Variants in MYO3B observed in about 807,000 individuals in gnomAD.
MYO3B encodes myosin IIIB.
MYO3B carries 156 observed loss-of-function variants against 174.6 expected under a neutral mutation model. The ratio of observed to expected loss-of-function variants is 0.89; its 90% CI spans 0.78 to 1.02. The LOEUF (loss-of-function observed/expected upper bound fraction) is 1.02. Among genes scored for constraint, MYO3B ranks in the 50% least tolerant of loss-of-function variants. The pLI is 0.00. For missense variants in MYO3B, 1,632 were observed against 1,639.4 expected, an observed-to-expected ratio of 1.00 and a Z score of 0.08; for synonymous variants, 563 against 569.1, an observed-to-expected ratio of 0.99 and a Z score of 0.15.
At chr2:170,513,904 A>G (rs1394782420) in intron 28 of MYO3B, among the ~76,000 whole-genome samples, 1 of 152,232 alleles carries the variant, frequency 6.6e-6, no homozygotes, top group Non-Finnish European at 1.5e-5. Flanking sequence ...TCACATCTGA[A>G]CAAATAATAA....
chr2:170,384,554 C>T (rs574545608), intron 12 of MYO3B, among the ~76,000 whole-genome samples: 8 of 152,260 alleles, frequency 5.3e-5, no homozygotes, highest in Admixed American at 4.6e-4. Context: ...TAATAGATGA[C>T]ATTATAACAA....
At chr2:170,378,115 A>G (rs1439871687) in intron 9 of MYO3B, among the ~76,000 whole-genome samples, 1 of 152,232 alleles carries the variant, frequency 6.6e-6, no homozygotes, top group Non-Finnish European at 1.5e-5. Flanking sequence ...ATTAATTTCA[A>G]CTAAAAATAG....
chr2:170,332,881 C>G (rs138613686), intron 7 of MYO3B, among the ~76,000 whole-genome samples: 44 of 152,252 alleles, frequency 2.9e-4, no homozygotes, highest in African/African-American at 1.0e-3. Context: ...ATTCACCATC[C>G]ATTTCATATT....
At chr2:170,650,072 A>T (rs1698889694) in intron 32 of MYO3B, 1 of 114,138 alleles carries the variant, frequency 8.8e-6, no homozygotes, top group African/African-American at 3.6e-5. Context: ...TCACTCTGTC[A>T]CCCAGACTGG....
chr2:170,490,238 C>T (rs1686375923), intron 25 of MYO3B, among the ~76,000 whole-genome samples: 1 of 152,090 alleles, frequency 6.6e-6, no homozygotes, highest in African/African-American at 2.4e-5. Context: ...CCATGTTAGC[C>T]AGGATGGTCT....
At position 170,382,022 on chromosome 2, in the gene MYO3B, G is replaced by A; in HGVS notation, c.978G>A (p.Glu326=). The A allele has an allele frequency of 6.2e-7, 1 of 1,612,070 alleles. No homozygotes were observed. The highest frequency in any genetic ancestry group is 8.5e-7 in the Non-Finnish European group (1 of 1,178,514). Residue 326 remains glutamate (E), a synonymous_variant, in exon 10 of 35, where the codon GAG becomes GAA. Transcript: ENST00000408978. ...TCTCTTGATAAATTTCTAGGCATGA[G>A]AGGATGCATACCAGAAGACCTTATC... The part of the protein sequence containing the change: ...HQNPVAKTRH[E]RMHTRRPYHV...
chr2:170,537,412 A>G (rs1263191930), intron 30 of MYO3B, among the ~76,000 whole-genome samples: 1 of 146,370 alleles, frequency 6.8e-6, no homozygotes, highest in Non-Finnish European at 1.5e-5. Flanking sequence ...CTTCTTGGGA[A>G]CAAGAAATTG....
chr2:170,534,324 G>A (rs989174176), intron 30 of MYO3B, among the ~76,000 whole-genome samples: 2 of 152,212 alleles, frequency 1.3e-5, no homozygotes, highest in African/African-American at 4.8e-5. Flanking sequence ...GCCAAAAAAT[G>A]TGTGTGACTC....
At chr2:170,519,835 T>G in intron 30 of MYO3B, 1 of 275,468 alleles carries the variant, frequency 3.6e-6, no homozygotes, top group Non-Finnish European at 7.0e-6. Context: ...GAGCTGGCCA[T>G]GGTGGCATGT....
chr2:170,335,302 A>G, intron 7 of MYO3B, 83 bp from the exon 8 acceptor site: 2 of 1,014,442 alleles, frequency 2.0e-6, no homozygotes, highest in Non-Finnish European at 3.0e-6. Context: ...AGCTATTTAG[A>G]ATGATATCAA....
intron 22 of MYO3B, among the ~76,000 whole-genome samples, chr2:170,415,331 G>T (rs1023989993): frequency 1.3e-5 from 2 of 151,960 alleles, no homozygotes; most frequent in South Asian, 4.2e-4. Context: ...ACCTTTTCTG[G>T]CTATCCTATC....
intron 7 of MYO3B, among the ~76,000 whole-genome samples, chr2:170,276,708 T>C (rs2093466098): frequency 6.6e-6 from 1 of 152,204 alleles, no homozygotes; most frequent in African/African-American, 2.4e-5. Flanking sequence ...CTGCCTAATA[T>C]AATCAGTTAC....
intron 32 of MYO3B, among the ~76,000 whole-genome samples, chr2:170,644,115 A>G (rs1559194879): frequency 6.6e-6 from 1 of 152,188 alleles, no homozygotes. Flanking sequence ...GTGACTTACA[A>G]CTGTGCATGA....
chr2:170,501,710 G>A (rs1687280911), intron 27 of MYO3B, 75 bp from the exon 28 acceptor site: 1 of 1,004,932 alleles, frequency 1.0e-6, no homozygotes, highest in Non-Finnish European at 1.6e-6. Flanking sequence ...GGCTGGAGGG[G>A]AAAACAGCTT....
intron 7 of MYO3B, among the ~76,000 whole-genome samples, chr2:170,244,071 C>A (rs904695596): frequency 6.6e-6 from 1 of 152,180 alleles, no homozygotes; most frequent in Admixed American, 6.5e-5. Flanking sequence ...ATGCTGTCAT[C>A]CTCTGAAGAG....
At chr2:170,476,691 A>G (rs1685339498) in intron 25 of MYO3B, among the ~76,000 whole-genome samples, 1 of 151,862 alleles carries the variant, frequency 6.6e-6, no homozygotes, top group Non-Finnish European at 1.5e-5. Flanking sequence ...CGTGGTTTGT[A>G]TGGGTGCAAA....
intron 7 of MYO3B, among the ~76,000 whole-genome samples, chr2:170,246,472 T>C (rs2093190724): frequency 6.6e-6 from 1 of 151,312 alleles, no homozygotes. Context: ...TGGAGCAGAG[T>C]TGATCCTTAA....
At position 170,369,334 on chromosome 2, in the gene MYO3B, G is replaced by T. The variant is rs1266132805; in HGVS notation, c.928G>T (p.Val310Phe). The change falls in exon 9 of 35, where the codon GTT becomes TTT. Residue 310 changes from valine to phenylalanine, a missense_variant. By Grantham distance (50) the Val-to-Phe change is conservative. Transcript: ENST00000408978. ...GTTTCTGCAAAAACAGCTGGCCAAG[G>T]TTCTCCAAGACCAGAAGCATCAAAA... ...VLFLQKQLAK[V>F]LQDQKHQNPV... The T allele has an allele frequency of 6.2e-7, 1 of 1,613,524 alleles. No homozygotes were observed. The highest frequency in any genetic ancestry group is 1.7e-4 in the Middle Eastern group (1 of 6,060).
chr2:170,306,782 G>A (rs2093703667), intron 7 of MYO3B, among the ~76,000 whole-genome samples: 1 of 152,116 alleles, frequency 6.6e-6, no homozygotes, highest in South Asian at 2.1e-4. Context: ...TTATTGTAGG[G>A]AAAAACAAGC....
Sources: gnomAD v4.1 joint callset for allele counts (sites outside exome capture counted in the v4.1 genomes callset) on GRCh38, gnomAD v4.1.1 for gene constraint, MANE v1.5 for transcripts, NCBI Gene and HGNC (gene_info 2026-07-23, HGNC 2026-07-21) for gene names.